The following COL4A2 variants were observed in gnomAD, a reference collection of about 807,000 sequenced individuals.
The protein encoded by COL4A2 is collagen type IV alpha 2 chain.
COL4A2 carries 99 observed loss-of-function variants against 200.2 expected under a neutral mutation model. The observed-to-expected ratio is 0.49, with a 90% CI of 0.42 to 0.58. COL4A2 has a LOEUF of 0.58. Ranked by LOEUF, COL4A2 falls within the 20% of genes least tolerant of loss-of-function variation. The pLI is 0.00. For synonymous variants in COL4A2, 897 were observed against 900.6 expected, an observed-to-expected ratio of 1.00 and a Z score of 0.07; for missense variants, 1,950 against 2,314.1, an observed-to-expected ratio of 0.84 and a Z score of 3.23.
intron 47 of COL4A2, among the ~76,000 whole-genome samples, chr13:110,510,251 C>T (rs2139562579): frequency 6.6e-6 from 1 of 152,374 alleles, no homozygotes; most frequent in South Asian, 2.1e-4. Flanking sequence ...GCATTCCCTA[C>T]AAGCGAGCGC....
At chr13:110,423,448 G>C (rs913298149) in intron 4 of COL4A2, among the ~76,000 whole-genome samples, 6 of 152,162 alleles carry the variant, frequency 3.9e-5, no homozygotes, top group Non-Finnish European at 7.3e-5. Context: ...GGTGGGTCGG[G>C]GGGAGGGAGA....
intron 16 of COL4A2, 75 bp downstream of exon 16, chr13:110,439,908 C>T (rs1258253556): frequency 1.3e-6 from 2 of 1,542,620 alleles, no homozygotes; most frequent in Non-Finnish European, 8.7e-7. Flanking sequence ...TAGGCCTTGG[C>T]ATCTCAGGAA....
At position 110,438,577 on chromosome 13, in the gene COL4A2, G is replaced by A. The variant is rs7984100; in HGVS notation, c.862-41G>A. On this transcript the variant is annotated intron_variant, in intron 14 of 47. Coordinates refer to ENST00000360467, the MANE Select transcript of COL4A2 (RefSeq NM_001846.4). ...GTGGGCCCTGTTGGCTGGAGGGGCC[G>A]CCCCTGGGTTGCTCCTTACGCCCCC... is the stretch of plus-strand genomic sequence containing the variant. 0.29 allele frequency: 474,475 copies of A among 1,612,218 alleles called. 73,930 individuals carry two copies. The highest frequency in any genetic ancestry group is 0.51 in the African/African-American group (38,307 of 74,818).
At chr13:110,342,869 A>G (rs1876521159) in intron 3 of COL4A2, among the ~76,000 whole-genome samples, 2 of 152,198 alleles carry the variant, frequency 1.3e-5, no homozygotes, top group African/African-American at 4.8e-5. Flanking sequence ...TCTGGAGCCC[A>G]GGAAGAACCC....
chr13:110,337,033 C>G (rs948040066), intron 3 of COL4A2, among the ~76,000 whole-genome samples: 1 of 152,192 alleles, frequency 6.6e-6, no homozygotes, highest in African/African-American at 2.4e-5. Flanking sequence ...ATGCAGTTTT[C>G]AAAGTTCCAA....
intron 4 of COL4A2, among the ~76,000 whole-genome samples, chr13:110,388,776 T>C (rs1423481541): frequency 6.6e-6 from 1 of 152,242 alleles, no homozygotes; most frequent in Non-Finnish European, 1.5e-5. Context: ...CATGATAAAC[T>C]GTGTTGCTCA....
intron 4 of COL4A2, among the ~76,000 whole-genome samples, chr13:110,377,930 T>C (rs1878306703): frequency 6.6e-6 from 1 of 152,260 alleles, no homozygotes; most frequent in South Asian, 2.1e-4. Context: ...TTTCTCTTAT[T>C]AGCAATCAAA....
intron 16 of COL4A2, among the ~76,000 whole-genome samples, chr13:110,445,051 A>G (rs974623364): frequency 1.2e-4 from 18 of 151,988 alleles, no homozygotes; most frequent in African/African-American, 3.6e-4. Context: ...GGGTTTCACT[A>G]TGTTTCCCAA....
intron 36 of COL4A2, 81 bp downstream of exon 36, chr13:110,489,866 C>G (rs563626765): frequency 7.0e-7 from 1 of 1,434,816 alleles, no homozygotes; most frequent in East Asian, 2.3e-5. Flanking sequence ...CCAAACAGAT[C>G]AAATTCAGTA....
In COL4A2 at chr13:110,508,089, C is replaced by A. The variant is rs1194765852; in HGVS notation, c.4749C>A (p.Ile1583=). The A allele has an allele frequency of 3.1e-6, 5 of 1,614,148 alleles. No homozygotes were observed. The highest frequency in any genetic ancestry group is 2.7e-5 in the African/African-American group (2 of 74,958). Residue 1583 remains isoleucine, a synonymous_variant, in exon 47 of 48, where the codon ATC becomes ATA. Transcript: ENST00000360467. The surrounding 1 kb of genome is among the most constrained non-coding windows in gnomAD (Gnocchi z 6.1). ...LPMMPVAEDE[I]KPYISRCSVC... The stretch of plus-strand genomic sequence containing the variant: ...TGATGCCCGTGGCCGAGGACGAGAT[C>A]AAGCCCTACATCAGCCGCTGTTCTG...
chr13:110,416,326 G>A (rs1308879688), intron 4 of COL4A2, among the ~76,000 whole-genome samples: 1 of 152,266 alleles, frequency 6.6e-6, no homozygotes, highest in Non-Finnish European at 1.5e-5. Context: ...CTCAGGTGCA[G>A]TCTGGGCTCT....
At chr13:110,340,667 T>C (rs924766381) in intron 3 of COL4A2, among the ~76,000 whole-genome samples, 5 of 152,136 alleles carry the variant, frequency 3.3e-5, no homozygotes, top group Admixed American at 3.3e-4. Flanking sequence ...AGGAGAGCAG[T>C]CCTGTAGCTC....
chr13:110,492,318 G>A, intron 38 of COL4A2, 141 bp downstream of exon 38: 1 of 705,462 alleles, frequency 1.4e-6, no homozygotes, highest in Non-Finnish European at 2.4e-6. Context: ...GGCTTACGGT[G>A]GTCTGCACCA....
chr13:110,454,034 G>A (rs1432147904), intron 20 of COL4A2, among the ~76,000 whole-genome samples: 1 of 152,152 alleles, frequency 6.6e-6, no homozygotes, highest in Non-Finnish European at 1.5e-5. Flanking sequence ...AGAGTTTTTA[G>A]TCTTTTGCAG....
At chr13:110,416,794 A>C (rs558725422) in intron 4 of COL4A2, among the ~76,000 whole-genome samples, 1 of 152,372 alleles carries the variant, frequency 6.6e-6, no homozygotes, top group South Asian at 2.1e-4. Flanking sequence ...GACAGAAACC[A>C]GTGGCTTCCC....
rs940772948 is a variant in COL4A2 at position 110,468,689 on chromosome 13, G to A, written c.2096-528G>A. On this transcript the variant is annotated intron_variant, in intron 27 of 47. Coordinates refer to ENST00000360467, the MANE Select transcript of COL4A2 (RefSeq NM_001846.4). ...CCCCTTCCCAAGAGGCGCCAGGAAC[G>A]GGGATAAAAAAGTGTGGCAGATGGG... 8.5e-5 allele frequency among the ~76,000 whole-genome samples: 13 copies of A among 152,290 alleles called. No homozygotes were observed. In the South Asian group the frequency reaches 2.1e-3, roughly 24 times the overall value.
At chr13:110,377,929 T>C (rs1455307222) in intron 4 of COL4A2, among the ~76,000 whole-genome samples, 2 of 152,260 alleles carry the variant, frequency 1.3e-5, no homozygotes, top group Non-Finnish European at 2.9e-5. Context: ...GTTTCTCTTA[T>C]TAGCAATCAA....
chr13:110,355,326 A>G (rs12016866), intron 3 of COL4A2, among the ~76,000 whole-genome samples: 1,009 of 63,924 alleles, frequency 0.016, 47 homozygotes, highest in Middle Eastern at 0.13. Flanking sequence ...TGTGTGTGGG[A>G]GAGGGCTGCA....
chr13:110,322,470 C>T (rs1885300269), intron 3 of COL4A2, among the ~76,000 whole-genome samples: 1 of 152,178 alleles, frequency 6.6e-6, no homozygotes, highest in Admixed American at 6.5e-5. Context: ...TGGAGCAGTT[C>T]CTGAAGCCCC....
Sources: allele counts gnomAD v4.1 joint callset (sites outside exome capture counted in the v4.1 genomes callset), GRCh38; gene constraint gnomAD v4.1.1; non-coding constraint Gnocchi (gnomAD v3.1); transcripts MANE v1.5; gene names NCBI Gene and HGNC (gene_info 2026-07-23, HGNC 2026-07-21).